PLCH1: variants seen among roughly 807,000 people sequenced by gnomAD.
PLCH1 encodes the protein 1-phosphatidylinositol 4,5-bisphosphate phosphodiesterase eta-1.
Under a neutral mutation model 126.7 loss-of-function variants are expected in PLCH1, and 60 were observed. That is an observed-to-expected ratio of 0.47 (90% CI 0.38 to 0.59). PLCH1 has a LOEUF of 0.59. Among genes scored for constraint, PLCH1 ranks in the 20% least tolerant of loss-of-function variants. PLCH1 has a pLI of 0.00. For synonymous variants in PLCH1, 719 were observed against 734.9 expected (o/e 0.98, Z 0.35); for missense variants, 1,723 against 2,040.0 (o/e 0.84, Z 2.99).
chr3:155,675,812 A>C (rs1034057277), intron 2 of PLCH1, among the ~76,000 whole-genome samples: 3 of 152,218 alleles, frequency 2.0e-5, no homozygotes, highest in African/African-American at 7.2e-5. Context: ...CTACATTTAT[A>C]CGAAAAAAAC....
At position 155,704,177 on chromosome 3, in the gene PLCH1, C is replaced by T. The variant is rs1746484418; in HGVS notation, c.48G>A (p.Arg16=). 8.1e-7 allele frequency: 1 copy of T among 1,228,942 alleles called. No individual in the cohort carries two copies. Among genetic ancestry groups the T allele is most frequent in the Non-Finnish European group, 1.0e-6 (1 of 985,454 alleles). 76.1% of individuals were successfully genotyped at this position (1,228,942 alleles called of 1,614,324 possible). The part of the protein sequence containing the change: ...LEKRNCVQYR[R]HFLVDNSVFH... ...ACACACTGTTGTCCACCAGAAAATG[C>T]CTGCGGTACTGCACACAGTTCCTTT... The change falls in exon 2 of 23, where the codon AGG becomes AGA. Residue 16 remains arginine (R), a synonymous_variant. Transcript: ENST00000460012.
intron 9 of PLCH1, among the ~76,000 whole-genome samples, chr3:155,553,635 G>A (rs987426050): frequency 2.6e-5 from 4 of 152,194 alleles, no homozygotes; most frequent in African/African-American, 7.2e-5. Context: ...AAGGCAAGTA[G>A]TGGGGAGGAA....
At chr3:155,546,151 C>T (rs1279308095) in intron 10 of PLCH1, among the ~76,000 whole-genome samples, 1 of 152,114 alleles carries the variant, frequency 6.6e-6, no homozygotes, top group Non-Finnish European at 1.5e-5. Flanking sequence ...ATTGTCTCAG[C>T]CCAAAATCTC....
At chr3:155,704,903 T>C (rs1343373836) in intron 1 of PLCH1, among the ~76,000 whole-genome samples, 3 of 152,174 alleles carry the variant, frequency 2.0e-5, no homozygotes, top group African/African-American at 7.2e-5. Flanking sequence ...ACTTGCTCCA[T>C]CACAGACACA....
chr3:155,686,482 T>G (rs552227823), intron 2 of PLCH1, among the ~76,000 whole-genome samples: 11 of 152,358 alleles, frequency 7.2e-5, no homozygotes, highest in Non-Finnish European at 1.2e-4. Context: ...CTACTTAGAA[T>G]GAGACCAAGG....
intron 12 of PLCH1, among the ~76,000 whole-genome samples, chr3:155,512,848 A>G (rs1056575697): frequency 6.6e-6 from 1 of 152,220 alleles, no homozygotes; most frequent in Non-Finnish European, 1.5e-5. Context: ...AACTATCACT[A>G]TGGCAGTGGT....
At chr3:155,608,896 G>A (rs748733660) in intron 2 of PLCH1, among the ~76,000 whole-genome samples, 17 of 152,106 alleles carry the variant, frequency 1.1e-4, no homozygotes, top group African/African-American at 3.6e-4. Context: ...ACAGCAGCTC[G>A]TGCTCTCTTG....
intron 6 of PLCH1, among the ~76,000 whole-genome samples, chr3:155,571,414 T>TTA (rs1273306901): frequency 6.6e-6 from 1 of 152,154 alleles, no homozygotes; most frequent in Non-Finnish European, 1.5e-5. Context: ...AAATCGGTCT[T>TTA]TATATATATA....
At chr3:155,490,549 A>G (rs1368505543) in intron 19 of PLCH1, among the ~76,000 whole-genome samples, 1 of 152,184 alleles carries the variant, frequency 6.6e-6, no homozygotes, top group East Asian at 1.9e-4. Context: ...TACTAGAAAA[A>G]AAATTTCCTT....
At position 155,516,756 on chromosome 3, in the gene PLCH1, TA is replaced by T. The variant is rs541380543; in HGVS notation, c.1471-1873del. Among the ~76,000 whole-genome samples, 499 of 148,030 alleles carry T rather than the reference TA, an allele frequency of 3.4e-3. 1 individual carries two copies. The highest frequency in any genetic ancestry group is 0.012 in the African/African-American group (467 of 40,348). The stretch of plus-strand genomic sequence containing the variant: ...TTTGGGAACAAAACTCATTTTGTAT[TA>T]AAAAAAAAACCATGTATTGTGTTTC... On this transcript the variant is annotated intron_variant, in intron 11 of 22. Coordinates refer to ENST00000460012, the MANE Select transcript of PLCH1 (RefSeq NM_014996.4).
intron 10 of PLCH1, among the ~76,000 whole-genome samples, chr3:155,525,992 A>G (rs536728303): frequency 6.0e-4 from 91 of 152,310 alleles, no homozygotes; most frequent in South Asian, 1.9e-3. Context: ...GGTAAGGCCC[A>G]GGGGTCTGAG....
At chr3:155,719,366 T>C (rs1275407206) in intron 1 of PLCH1, among the ~76,000 whole-genome samples, 2 of 147,600 alleles carry the variant, frequency 1.4e-5, no homozygotes, top group Non-Finnish European at 3.0e-5. Context: ...GGGCCTGTTG[T>C]GGGGTTGGGG....
chr3:155,674,464 T>A (rs1271606174), intron 2 of PLCH1, among the ~76,000 whole-genome samples: 1 of 152,182 alleles, frequency 6.6e-6, no homozygotes, highest in African/African-American at 2.4e-5. Flanking sequence ...ATAGAGTTGA[T>A]CTGCATAATT....
intron 10 of PLCH1, among the ~76,000 whole-genome samples, chr3:155,535,438 C>A (rs926678807): frequency 6.6e-6 from 1 of 152,118 alleles, no homozygotes; most frequent in Non-Finnish European, 1.5e-5. Context: ...GATATAAACT[C>A]GGTGCTGGTG....
intron 10 of PLCH1, among the ~76,000 whole-genome samples, chr3:155,542,379 C>T (rs1463385483): frequency 2.6e-5 from 4 of 151,326 alleles, no homozygotes; most frequent in African/African-American, 4.9e-5. Flanking sequence ...ACAAAGCAGC[C>T]TGGAAGCTCG....
chr3:155,675,467 T>C (rs911624764), intron 2 of PLCH1, among the ~76,000 whole-genome samples: 1 of 152,230 alleles, frequency 6.6e-6, no homozygotes, highest in Non-Finnish European at 1.5e-5. Flanking sequence ...CTGCCTCCAT[T>C]TTATCTGTGC....
intron 10 of PLCH1, among the ~76,000 whole-genome samples, chr3:155,528,622 T>A (rs1722279546): frequency 6.6e-6 from 1 of 152,216 alleles, no homozygotes; most frequent in Non-Finnish European, 1.5e-5. Flanking sequence ...AACCAACATA[T>A]GTTTTTAAAT....
At chr3:155,581,871 T>C (rs1730733260) in intron 6 of PLCH1, among the ~76,000 whole-genome samples, 1 of 150,948 alleles carries the variant, frequency 6.6e-6, no homozygotes, top group African/African-American at 2.4e-5. Context: ...CGTCTCAGCC[T>C]CCCGAATAGC....
At chr3:155,569,637 G>A (rs1352066923) in intron 6 of PLCH1, among the ~76,000 whole-genome samples, 1 of 152,160 alleles carries the variant, frequency 6.6e-6, no homozygotes, top group African/African-American at 2.4e-5. Flanking sequence ...TAATTTGTCT[G>A]CTGTGAGCTA....
Sources: allele counts gnomAD v4.1 joint callset (sites outside exome capture counted in the v4.1 genomes callset), GRCh38; gene constraint gnomAD v4.1.1; transcripts MANE v1.5; gene names NCBI Gene and HGNC (gene_info 2026-07-23, HGNC 2026-07-21).